The following PHF20L1 variants were observed in gnomAD, a reference collection of about 807,000 sequenced individuals.
PHF20L1 encodes PHD finger protein 20-like protein 1.
In PHF20L1, 44 loss-of-function variants were observed where a neutral mutation model predicts 125.5. That is an observed-to-expected ratio of 0.35 (90% CI 0.28 to 0.45). The LOEUF (loss-of-function observed/expected upper bound fraction) is 0.45. Among genes scored for constraint, PHF20L1 ranks in the 20% least tolerant of loss-of-function variants. PHF20L1 has a pLI of 1.00. For missense variants in PHF20L1, 1,012 were observed against 1,217.2 expected, an observed-to-expected ratio of 0.83 and a Z score of 2.51; for synonymous variants, 380 against 403.1, an observed-to-expected ratio of 0.94 and a Z score of 0.69.
chr8:132,797,635 C>G (rs1372401525), intron 4 of PHF20L1, among the ~76,000 whole-genome samples: 2 of 152,030 alleles, frequency 1.3e-5, no homozygotes, highest in African/African-American at 4.8e-5. Flanking sequence ...ATTGTCTTTA[C>G]ATCCTTGCTA....
In PHF20L1 at chr8:132,839,487, T is replaced by C. The variant is rs1563853476; in HGVS notation, c.2292T>C (p.Asn764=). The C allele has an allele frequency of 1.9e-6, 3 of 1,613,326 alleles. No individual in the cohort carries two copies. Among genetic ancestry groups the C allele is most frequent in the Non-Finnish European group, 2.5e-6 (3 of 1,179,420 alleles). Residue 764 remains asparagine (N), a synonymous_variant, in exon 18 of 21, where the codon AAT becomes AAC. Coordinates refer to ENST00000395386, the MANE Select transcript of PHF20L1 (RefSeq NM_016018.5). ...TCAAAGAAAATTATTCTCATCTCAA[T>C]GCCAAAAAGATAGTTTCTACACATC... The part of the protein sequence containing the change: ...SFFKENYSHL[N]AKKIVSTHHL...
intron 13 of PHF20L1, 190 bp downstream of exon 13, chr8:132,824,250 CTT>C (rs1389260347): frequency 2.5e-6 from 1 of 401,510 alleles, no homozygotes; most frequent in African/African-American, 2.1e-5. Context: ...TTATATGTAA[CTT>C]TTTTGTCAAG....
At chr8:132,812,477 T>G in intron 9 of PHF20L1, 1 of 984,724 alleles carries the variant, frequency 1.0e-6, no homozygotes, top group South Asian at 4.7e-5. Context: ...AAAGGAAAAT[T>G]GTGTAACTCG....
chr8:132,815,464 C>T (rs1207125856), intron 10 of PHF20L1: 1 of 151,776 alleles, frequency 6.6e-6, no homozygotes, highest in Non-Finnish European at 1.5e-5. Context: ...ATCTATCTCC[C>T]TATATATCTG....
At chr8:132,798,255 TA>T (rs1204389683) in intron 4 of PHF20L1, among the ~76,000 whole-genome samples, 1 of 152,020 alleles carries the variant, frequency 6.6e-6, no homozygotes, top group Non-Finnish European at 1.5e-5. Flanking sequence ...AGATGATTTG[TA>T]AAATATTTTC....
chr8:132,827,670 A>G (rs1483046580), intron 14 of PHF20L1, among the ~76,000 whole-genome samples: 1 of 152,054 alleles, frequency 6.6e-6, no homozygotes, highest in Non-Finnish European at 1.5e-5. Flanking sequence ...TAGGATTAAT[A>G]GAGGAAAAAT....
intron 19 of PHF20L1, chr8:132,843,264 A>G (rs1838108711): frequency 1.0e-6 from 1 of 984,632 alleles, no homozygotes; most frequent in Admixed American, 6.2e-5. Flanking sequence ...TGGCACTCTA[A>G]TTGTCTGTTT....
chr8:132,832,249 G>A lies in PHF20L1; in HGVS notation c.1759G>A (p.Glu587Lys). Reference sequence around the variant, plus strand: ...TTATGTTGCAGACTATTCAGACTATGAAGACAGTTCCCTCGAATTTTTGGA... The same window carrying A: ...TTATGTTGCAGACTATTCAGACTATAAAGACAGTTCCCTCGAATTTTTGGA... ...KSKQHDYSDYEDSSLEFLERC... is the reference protein window; with the variant it reads ...KSKQHDYSDYKDSSLEFLERC... The change falls in exon 15 of 21, where the codon GAA (glutamate) becomes AAA (lysine). Residue 587 changes from glutamate (E) to lysine (K), a missense_variant. Transcript: ENST00000395386. The A allele has an allele frequency of 6.3e-7, 1 of 1,589,666 alleles. No homozygotes were observed. The highest frequency in any genetic ancestry group is 8.6e-7 in the Non-Finnish European group (1 of 1,158,354).
At chr8:132,845,482 T>C (rs1838342676) in intron 20 of PHF20L1, among the ~76,000 whole-genome samples, 1 of 152,080 alleles carries the variant, frequency 6.6e-6, no homozygotes, top group Admixed American at 6.6e-5. Flanking sequence ...AGTGTGTGTA[T>C]ATGTTTATGT....
intron 4 of PHF20L1, among the ~76,000 whole-genome samples, chr8:132,797,967 G>T (rs986127190): frequency 4.6e-4 from 70 of 151,962 alleles, no homozygotes; most frequent in African/African-American, 1.6e-3. Flanking sequence ...CCTTAAGTAG[G>T]CATTATACAT....
At chr8:132,780,061 ACT>A (rs58974975) in intron 2 of PHF20L1, among the ~76,000 whole-genome samples, 3,315 of 152,210 alleles carry the variant, frequency 0.022, 127 homozygotes, top group African/African-American at 0.073. Context: ...AGATTTTGGC[ACT>A]CTGTTTCAGG....
intron 2 of PHF20L1, among the ~76,000 whole-genome samples, chr8:132,787,064 A>G (rs1283683182): frequency 2.0e-5 from 3 of 151,794 alleles, no homozygotes; most frequent in East Asian, 1.9e-4. Context: ...AAAAAACTGT[A>G]TGAAGTTCGT....
intron 2 of PHF20L1, among the ~76,000 whole-genome samples, chr8:132,779,022 T>C (rs1466822637): frequency 1.3e-5 from 2 of 152,242 alleles, no homozygotes; most frequent in African/African-American, 4.8e-5. Flanking sequence ...TTAGTCATAA[T>C]ATTTGACTGT....
At chr8:132,797,458 A>G (rs2131490470) in intron 4 of PHF20L1, among the ~76,000 whole-genome samples, 1 of 152,158 alleles carries the variant, frequency 6.6e-6, no homozygotes, top group East Asian at 1.9e-4. Flanking sequence ...AAGGCATCAC[A>G]ACAGAGGAAA....
chr8:132,801,622 AT>A (rs1833055491), intron 6 of PHF20L1, among the ~76,000 whole-genome samples: 1 of 151,762 alleles, frequency 6.6e-6, no homozygotes, highest in African/African-American at 2.4e-5. Flanking sequence ...TAGAGTGACT[AT>A]AGTTATTAAA....
Position 132,775,502 on chromosome 8 carries a change from G to A in PHF20L1, c.-181G>A, listed in dbSNP as rs1373637816. ...CGAAACCTTGGGCGGATCCGGCGCTGCGGCCCCAGCTCGCTCCGCTCCTGC... is the reference window on the plus strand; with the variant it reads ...CGAAACCTTGGGCGGATCCGGCGCTACGGCCCCAGCTCGCTCCGCTCCTGC... On this transcript the variant is annotated 5_prime_UTR_variant, in exon 1 of 21. Transcript: ENST00000395386. 1.3e-5 allele frequency: 5 copies of A among 376,036 alleles called. No homozygotes were observed. Among genetic ancestry groups the A allele is most frequent in the Non-Finnish European group, 2.4e-5 (5 of 211,570 alleles). The allele number at this position is 376,036 out of a possible 1,614,324, so 23.3% of individuals were successfully genotyped here.
intron 2 of PHF20L1, among the ~76,000 whole-genome samples, chr8:132,793,154 C>T (rs1050436473): frequency 2.8e-4 from 42 of 151,838 alleles, no homozygotes; most frequent in Admixed American, 2.8e-3. Context: ...TTAACCAAGT[C>T]TGCAGTGATT....
chr8:132,781,685 TC>T (rs1409327124), intron 2 of PHF20L1, among the ~76,000 whole-genome samples: 1 of 152,100 alleles, frequency 6.6e-6, no homozygotes, highest in East Asian at 1.9e-4. Flanking sequence ...CCTGCCTCAG[TC>T]CCCCACAGTG....
chr8:132,782,261 C>T (rs978615150), intron 2 of PHF20L1, among the ~76,000 whole-genome samples: 2 of 152,150 alleles, frequency 1.3e-5, no homozygotes, highest in Non-Finnish European at 2.9e-5. Context: ...CAGACTGTTA[C>T]TTATTAATCC....
Sources: gnomAD v4.1 joint callset for allele counts (sites outside exome capture counted in the v4.1 genomes callset) on GRCh38, gnomAD v4.1.1 for gene constraint, MANE v1.5 for transcripts, NCBI Gene and HGNC (gene_info 2026-07-23, HGNC 2026-07-21) for gene names.